The following SPMIP5 variants were observed in gnomAD, a reference collection of about 807,000 sequenced individuals.
SPMIP5 encodes the protein sperm microtubule inner protein 5.
At chr10:116,666,469 TG>T in the SPMIP5 span, among the ~76,000 whole-genome samples, 3 of 141,780 alleles carry the variant, frequency 2.1e-5, no homozygotes, top group African/African-American at 5.2e-5. Context: ...TTTTTTTTTT[TG>T]AAGAACAAAT....
At chr10:116,664,070 G>T in the SPMIP5 span, 1 of 1,609,448 alleles carries the variant, frequency 6.2e-7, no homozygotes, top group Admixed American at 1.7e-5. Flanking sequence ...GGAACCGTCC[G>T]TGTGAGTTGC....
the SPMIP5 span, chr10:116,664,275 AAAC>A: frequency 1.3e-6 from 2 of 1,575,218 alleles, no homozygotes; most frequent in Non-Finnish European, 1.7e-6. Flanking sequence ...ATATATTCTA[AAAC>A]AAGAATAGAA....
At chr10:116,662,785 T>G in the SPMIP5 span, among the ~76,000 whole-genome samples, 1 of 152,198 alleles carries the variant, frequency 6.6e-6, no homozygotes, top group Admixed American at 6.5e-5. Flanking sequence ...GTACTTTATG[T>G]GACTTATTTG....
At chr10:116,665,564 G>A in the SPMIP5 span, 1 of 1,567,920 alleles carries the variant, frequency 6.4e-7, no homozygotes, top group Non-Finnish European at 8.7e-7. Flanking sequence ...AGAATCTGCA[G>A]GGGTGACCAG....
the SPMIP5 span, chr10:116,670,042 C>G: frequency 2.0e-5 from 3 of 152,430 alleles, no homozygotes; most frequent in African/African-American, 2.4e-5. Flanking sequence ...GCCCCACCAC[C>G]GCCAGCCTGC....
chr10:116,668,933 G>GCACA, the SPMIP5 span, among the ~76,000 whole-genome samples: 818 of 135,370 alleles, frequency 6.0e-3, 6 homozygotes, highest in East Asian at 6.8e-3. Flanking sequence ...GCACACACAT[G>GCACA]CACACACACA....
the SPMIP5 span, among the ~76,000 whole-genome samples, chr10:116,663,314 C>T: frequency 2.0e-5 from 3 of 152,298 alleles, no homozygotes; most frequent in Admixed American, 1.3e-4. Flanking sequence ...TAAGGATTCC[C>T]CACGGGTTTC....
At chr10:116,665,354 G>A in the SPMIP5 span, 36 of 371,222 alleles carry the variant, frequency 9.7e-5, no homozygotes, top group African/African-American at 6.4e-4. Context: ...GCAGTGAGCC[G>A]AGATCACACC....
the SPMIP5 span, among the ~76,000 whole-genome samples, chr10:116,667,301 G>A: frequency 1.5e-4 from 23 of 152,284 alleles, no homozygotes; most frequent in African/African-American, 3.1e-4. Context: ...ATGGCCCTGC[G>A]GGCACCTCGA....
chr10:116,663,686 A>C, the SPMIP5 span: 1 of 525,750 alleles, frequency 1.9e-6, no homozygotes, highest in Non-Finnish European at 3.3e-6. Context: ...CCGCACAAGA[A>C]ACTTTAGCAT....
At chr10:116,668,294 A>C in the SPMIP5 span, 33 of 1,613,662 alleles carry the variant, frequency 2.0e-5, no homozygotes, top group African/African-American at 5.3e-5. Context: ...TTTCTCATGA[A>C]GGTCTTGGAA....
At chr10:116,668,214 G>T in the SPMIP5 span, 1 of 1,578,480 alleles carries the variant, frequency 6.3e-7, no homozygotes, top group Non-Finnish European at 8.7e-7. Context: ...ACCAGGACCC[G>T]GGTTCCCCTG....
the SPMIP5 span, among the ~76,000 whole-genome samples, chr10:116,668,555 GT>G: frequency 6.6e-6 from 1 of 152,040 alleles, no homozygotes; most frequent in Admixed American, 6.6e-5. Flanking sequence ...GGATAACAGT[GT>G]GTAGATCACA....
chr10:116,665,451 C>A, the SPMIP5 span: 1 of 558,308 alleles, frequency 1.8e-6, no homozygotes, highest in Non-Finnish European at 3.1e-6. Flanking sequence ...AGAAATGTGT[C>A]TTTCTCATTT....
At chr10:116,663,510 G>A in the SPMIP5 span, among the ~76,000 whole-genome samples, 1 of 152,158 alleles carries the variant, frequency 6.6e-6, no homozygotes, top group Non-Finnish European at 1.5e-5. Flanking sequence ...GAAAACCAGG[G>A]CTGGGGTGGG....
chr10:116,665,499 G>C, the SPMIP5 span: 2 of 918,692 alleles, frequency 2.2e-6, no homozygotes. Flanking sequence ...CTGACCCCTG[G>C]GATTTGGAAC....
chr10:116,664,931 C>A, the SPMIP5 span: 1 of 1,612,968 alleles, frequency 6.2e-7, no homozygotes, highest in Non-Finnish European at 8.5e-7. Flanking sequence ...GGAGAGGTTT[C>A]TTTACATATT....
At chr10:116,665,813 G>A in the SPMIP5 span, 1 of 1,610,862 alleles carries the variant, frequency 6.2e-7, no homozygotes, top group South Asian at 1.1e-5. Context: ...GGCAGCTGAG[G>A]AATGGCACAA....
At chr10:116,664,148 G>A in the SPMIP5 span, 2 of 1,614,110 alleles carry the variant, frequency 1.2e-6, no homozygotes, top group Non-Finnish European at 1.7e-6. Flanking sequence ...AACGGTAGTA[G>A]GAAGGAAAGA....
Sources: allele counts gnomAD v4.1 joint callset (sites outside exome capture counted in the v4.1 genomes callset), GRCh38; gene constraint gnomAD v4.1.1; transcripts MANE v1.5; gene names NCBI Gene and HGNC (gene_info 2026-07-23, HGNC 2026-07-21).